Variants in SCML4 observed in about 807,000 individuals in gnomAD.
SCML4 encodes Scm polycomb group protein like 4.
SCML4 carries 34 observed loss-of-function variants against 41.1 expected under a neutral mutation model. The ratio of observed to expected loss-of-function variants is 0.83; its 90% CI spans 0.63 to 1.10. The LOEUF (loss-of-function observed/expected upper bound fraction) is 1.10, where lower values mean the gene tolerates loss of function less well. Among genes scored for constraint, SCML4 ranks in the 50% least tolerant of loss-of-function variants. The pLI is 0.00. For synonymous variants in SCML4, 214 were observed against 220.9 expected, an observed-to-expected ratio of 0.97 and a Z score of 0.28; for missense variants, 522 against 534.1, an observed-to-expected ratio of 0.98 and a Z score of 0.22.
At chr6:107,784,823 C>T (rs1442988302) in intron 1 of SCML4, among the ~76,000 whole-genome samples, 1 of 152,240 alleles carries the variant, frequency 6.6e-6, no homozygotes, top group Admixed American at 6.5e-5. Context: ...GGGGGCTGCA[C>T]TCATCACGGC....
At chr6:107,728,523 T>A (rs1776219942) in intron 5 of SCML4, among the ~76,000 whole-genome samples, 1 of 152,098 alleles carries the variant, frequency 6.6e-6, no homozygotes, top group East Asian at 1.9e-4. Context: ...GCAGGAGAAT[T>A]GCTTGAACCC....
At chr6:107,733,673 C>G (rs1406899715) in intron 5 of SCML4, among the ~76,000 whole-genome samples, 1 of 152,204 alleles carries the variant, frequency 6.6e-6, no homozygotes, top group African/African-American at 2.4e-5. Flanking sequence ...TCTAATACAA[C>G]CTGTGCAGGT....
chr6:107,729,145 A>G (rs1776287547), intron 5 of SCML4, among the ~76,000 whole-genome samples: 1 of 152,206 alleles, frequency 6.6e-6, no homozygotes, highest in Non-Finnish European at 1.5e-5. Context: ...TTCATTTCCT[A>G]GGATTGCAGA....
chr6:107,842,195 G>A, the SCML4 span, among the ~76,000 whole-genome samples: 3 of 152,072 alleles, frequency 2.0e-5, no homozygotes, highest in African/African-American at 7.2e-5. Flanking sequence ...ATGGAAGTGT[G>A]TTGTTTAATT....
intron 5 of SCML4, among the ~76,000 whole-genome samples, chr6:107,737,755 C>T (rs1055669771): frequency 2.7e-5 from 4 of 150,772 alleles, no homozygotes; most frequent in Non-Finnish European, 5.9e-5. Context: ...AATGGTGAGC[C>T]GGGTGGGAGG....
intron 2 of SCML4, among the ~76,000 whole-genome samples, chr6:107,759,332 A>AATAC (rs60465321): frequency 0.017 from 229 of 13,532 alleles, 1 homozygote; most frequent in African/African-American, 0.018. Context: ...CCTGTCTCAA[A>AATAC]ATACATACAT....
chr6:107,748,035 G>A (rs773153259), intron 3 of SCML4, among the ~76,000 whole-genome samples: 3 of 152,258 alleles, frequency 2.0e-5, no homozygotes, highest in Middle Eastern at 3.4e-3. Context: ...TGCCCTGGCC[G>A]ACCTCTTGAG....
intron 5 of SCML4, among the ~76,000 whole-genome samples, chr6:107,741,707 C>T (rs769583200): frequency 6.6e-6 from 1 of 152,228 alleles, no homozygotes; most frequent in Admixed American, 6.5e-5. Context: ...AAGGGCAATG[C>T]TTCAATCATT....
rs1782267998 is a variant in SCML4, at chr6:107,790,840, C to T, written c.-59-18454G>A. Among the ~76,000 whole-genome samples, 3 of 152,080 alleles carry T rather than the reference C, an allele frequency of 2.0e-5. No homozygotes were observed. The South Asian group carries it at 6.2e-4, about 32-fold the overall frequency. On this transcript the variant is annotated intron_variant, in intron 1 of 7. Coordinates refer to ENST00000369020, the MANE Select transcript of SCML4 (RefSeq NM_198081.5). Reference sequence around the variant, plus strand: ...ATCCCAGCACTTTGGAAGGCTAAGGCGGACGGATCACGGGAGGTCAGGAGT... The same window carrying T: ...ATCCCAGCACTTTGGAAGGCTAAGGTGGACGGATCACGGGAGGTCAGGAGT...
upstream of SCML4, among the ~76,000 whole-genome samples, chr6:107,827,733 C>T (rs1785302939): frequency 6.6e-6 from 1 of 152,200 alleles, no homozygotes; most frequent in Non-Finnish European, 1.5e-5. Context: ...CCACTCTCTC[C>T]ACACGAGTGC....
chr6:107,717,137 A>C (rs1369893317), intron 6 of SCML4, among the ~76,000 whole-genome samples: 1 of 86,432 alleles, frequency 1.2e-5, no homozygotes, highest in African/African-American at 3.8e-5. Flanking sequence ...GTCTCTACTA[A>C]AAATACAAAA....
At chr6:107,749,648 A>G (rs200389996) in intron 3 of SCML4, 36 bp downstream of exon 3, 12 of 1,611,338 alleles carry the variant, frequency 7.4e-6, no homozygotes, top group Admixed American at 1.7e-5. Context: ...TTCTCTACAG[A>G]CCATCACAGC....
intron 1 of SCML4, among the ~76,000 whole-genome samples, chr6:107,782,258 A>G (rs1173993520): frequency 6.6e-6 from 1 of 152,168 alleles, no homozygotes; most frequent in African/African-American, 2.4e-5. Flanking sequence ...CCCTAAATCT[A>G]CGTATTCTCT....
the SCML4 span, among the ~76,000 whole-genome samples, chr6:107,842,343 G>A: frequency 6.6e-6 from 1 of 152,108 alleles, no homozygotes; most frequent in Non-Finnish European, 1.5e-5. Flanking sequence ...AAATATGTTT[G>A]ACCTTGTTGA....
intron 1 of SCML4, among the ~76,000 whole-genome samples, chr6:107,808,010 C>G (rs1783867767): frequency 6.6e-6 from 1 of 152,226 alleles, no homozygotes; most frequent in South Asian, 2.1e-4. Context: ...TCACGTTGTT[C>G]TAAATCACAT....
the SCML4 span, among the ~76,000 whole-genome samples, chr6:107,841,440 CG>C: frequency 6.6e-6 from 1 of 152,166 alleles, no homozygotes; most frequent in East Asian, 1.9e-4. Flanking sequence ...TGTGCCAGCA[CG>C]GGGGAAATAG....
At chr6:107,800,061 T>G (rs896848773) in intron 1 of SCML4, among the ~76,000 whole-genome samples, 4 of 151,728 alleles carry the variant, frequency 2.6e-5, no homozygotes, top group Admixed American at 2.6e-4. Context: ...TTGTTCCCCA[T>G]GCTGGTCTTG....
At chr6:107,816,441 G>T (rs377244067) in intron 1 of SCML4, among the ~76,000 whole-genome samples, 311 of 152,278 alleles carry the variant, frequency 2.0e-3, no homozygotes, top group Non-Finnish European at 3.3e-3. Flanking sequence ...ACTTGCCCTA[G>T]GTCACACTGG....
chr6:107,826,759 T>C (rs547109070), upstream of SCML4, among the ~76,000 whole-genome samples: 6 of 152,084 alleles, frequency 3.9e-5, no homozygotes, highest in African/African-American at 9.7e-5. Flanking sequence ...AAGCCTAAAA[T>C]TGAAATCAAC....
Sources: gnomAD v4.1 joint callset for allele counts (sites outside exome capture counted in the v4.1 genomes callset) on GRCh38, gnomAD v4.1.1 for gene constraint, MANE v1.5 for transcripts, NCBI Gene and HGNC (gene_info 2026-07-23, HGNC 2026-07-21) for gene names.